PRKD3: variants seen among roughly 807,000 people sequenced by gnomAD.
PRKD3 encodes the protein serine/threonine-protein kinase D3.
A neutral mutation model predicts 99.2 loss-of-function variants in PRKD3; 47 were observed. The observed-to-expected ratio is 0.47, with a 90% confidence interval of 0.38 to 0.60. The LOEUF (loss-of-function observed/expected upper bound fraction) is 0.60. Among genes scored for constraint, PRKD3 ranks in the 20% least tolerant of loss-of-function variants. The pLI, the probability that PRKD3 is intolerant of heterozygous loss-of-function variation, is 0.00. For missense variants in PRKD3, 1,019 were observed against 1,088.4 expected, an observed-to-expected ratio of 0.94 and a Z score of 0.90; for synonymous variants, 392 against 355.4, an observed-to-expected ratio of 1.10 and a Z score of -1.16.
intron 2 of PRKD3, among the ~76,000 whole-genome samples, chr2:37,296,586 G>A (rs1670682380): frequency 6.6e-6 from 1 of 151,954 alleles, no homozygotes; most frequent in Admixed American, 6.6e-5. Context: ...GGTATGTTTG[G>A]TAGGGTATTT....
chr2:37,301,985 G>C (rs1405915835), intron 2 of PRKD3, among the ~76,000 whole-genome samples: 1 of 152,120 alleles, frequency 6.6e-6, no homozygotes, highest in African/African-American at 2.4e-5. Flanking sequence ...GCCCCCACAA[G>C]AATTATCCCA....
At chr2:37,320,759 T>C (rs891525514) in intron 1 of PRKD3, among the ~76,000 whole-genome samples, 2 of 152,182 alleles carry the variant, frequency 1.3e-5, no homozygotes, top group African/African-American at 4.8e-5. Flanking sequence ...CTTTGATGAA[T>C]GTCTTCCCAC....
At chr2:37,303,856 AATCTT>A (rs948990533) in intron 2 of PRKD3, among the ~76,000 whole-genome samples, 144 of 152,300 alleles carry the variant, frequency 9.5e-4, no homozygotes, top group African/African-American at 3.2e-3. Flanking sequence ...TAAATGCACT[AATCTT>A]AATTAGAAGC....
chr2:37,324,164 A>C, intron 1 of PRKD3: 10 of 985,162 alleles, frequency 1.0e-5, no homozygotes, highest in Non-Finnish European at 1.2e-5. Flanking sequence ...TACTGGGGCG[A>C]GGGGCTTACA....
At chr2:37,312,700 A>G (rs1033436473) in intron 2 of PRKD3, among the ~76,000 whole-genome samples, 1 of 152,226 alleles carries the variant, frequency 6.6e-6, no homozygotes, top group Non-Finnish European at 1.5e-5. Context: ...ACATTCAGGT[A>G]TAAGTAACAG....
rs1371972713 is a variant in PRKD3, at chr2:37,283,709, G to C, written c.911-1090C>G. Among the ~76,000 whole-genome samples, 4 of 152,022 alleles carry C rather than the reference G, an allele frequency of 2.6e-5. No individual in the cohort carries two copies. The South Asian group carries it at 8.3e-4, about 32-fold the overall frequency. ...CATTTTCCCTTTGAAAACTCAGGCC[G>C]GGTGCAGCGGCTCACACCTGTAATT... On this transcript the variant is annotated intron_variant, in intron 6 of 18. Transcript: ENST00000234179.
chr2:37,260,261 G>A lies in PRKD3; in HGVS notation c.2008C>T (p.Arg670Trp), dbSNP rs775221567. Residue 670 changes from arginine (R) to tryptophan (W), a missense_variant, in exon 15 of 19, where the codon CGG (arginine) becomes TGG (tryptophan). Physicochemically the swap from Arg to Trp is moderately radical, Grantham distance 101. Transcript: ENST00000234179. ...LEMILSSEKS[R>W]LPERITKFMV... ...AATTTAGTAATTCGTTCTGGAAGCC[G>A]ACTTTTCTCACTGGATAGAATCATT... 7 of 1,611,294 alleles carry A rather than the reference G, an allele frequency of 4.3e-6. No homozygotes were observed. The highest frequency in any genetic ancestry group is 5.1e-6 in the Non-Finnish European group (6 of 1,178,048).
Position 37,250,741 on chromosome 2 carries a change from TTCC to T in PRKD3, c.*2433_*2435del, listed in dbSNP as rs1667420188. ...TAGGAAATACATTTTATTATCAAGC[TTCC>T]AGTATATTTACAAAAAGTTGGATAT... On this transcript the variant is annotated 3_prime_UTR_variant, in exon 19 of 19. Transcript: ENST00000234179. 6.6e-6 allele frequency: 1 copy of T among 152,302 alleles called. No individual in the cohort carries two copies. Among genetic ancestry groups the T allele is most frequent in the Admixed American group, 6.5e-5 (1 of 15,270 alleles). The allele number at this position is 152,302 out of a possible 1,614,324, so 9.4% of individuals were successfully genotyped here. A position where few individuals can be genotyped will look rare whatever the true frequency, so the allele number is the denominator to read the frequency against.
At chr2:37,301,270 T>C (rs1160184548) in intron 2 of PRKD3, among the ~76,000 whole-genome samples, 1 of 152,174 alleles carries the variant, frequency 6.6e-6, no homozygotes, top group African/African-American at 2.4e-5. Flanking sequence ...TTTCTCAAAA[T>C]GATTTGACAG....
At position 37,250,899 on chromosome 2, in the gene PRKD3, T is replaced by C. The variant is rs1379269723; in HGVS notation, c.*2278A>G. ...AAAAAGTTATGCAGGTTATACAGTA[T>C]CTGGAATAATCATTCAACTCCAGAT... On this transcript the variant is annotated 3_prime_UTR_variant, in exon 19 of 19. Coordinates refer to ENST00000234179, the MANE Select transcript of PRKD3 (RefSeq NM_005813.6). 1 of 152,660 alleles carries C rather than the reference T, an allele frequency of 6.6e-6. No homozygotes were observed. The highest frequency in any genetic ancestry group is 1.5e-5 in the Non-Finnish European group (1 of 68,040). 9.5% of individuals were successfully genotyped at this position (152,660 alleles called of 1,614,324 possible).
intron 1 of PRKD3, among the ~76,000 whole-genome samples, chr2:37,320,009 T>C (rs1037200759): frequency 6.6e-6 from 1 of 152,218 alleles, no homozygotes; most frequent in African/African-American, 2.4e-5. Context: ...TAACAGTAAG[T>C]GCTCAGTAAG....
rs368664707 is a variant in PRKD3 at position 37,291,101 on chromosome 2, T to C, written c.428-102A>G. The C allele has an allele frequency of 7.4e-5, 86 of 1,156,982 alleles. No homozygotes were observed. The East Asian group carries it at 1.8e-3, about 25-fold the overall frequency. 71.7% of individuals were successfully genotyped at this position (1,156,982 alleles called of 1,614,324 possible). A position where few individuals can be genotyped will look rare whatever the true frequency, so the allele number is the denominator to read the frequency against. Reference sequence around the variant, plus strand: ...ATGTCAAAGTACACAGAATCATTTTTTCTCTGAAAGTTGCACTGGACCATA... The same window carrying C: ...ATGTCAAAGTACACAGAATCATTTTCTCTCTGAAAGTTGCACTGGACCATA... On this transcript the variant is annotated intron_variant, in intron 3 of 18. Coordinates refer to ENST00000234179, the MANE Select transcript of PRKD3 (RefSeq NM_005813.6).
intron 14 of PRKD3, among the ~76,000 whole-genome samples, chr2:37,264,115 T>C (rs941337159): frequency 1.3e-5 from 2 of 152,146 alleles, no homozygotes; most frequent in African/African-American, 2.4e-5. Context: ...CCCTCCCCAA[T>C]TTTTTTCCTG....
intron 1 of PRKD3, chr2:37,324,120 A>G: frequency 2.1e-6 from 2 of 955,588 alleles, no homozygotes; most frequent in African/African-American, 1.8e-5. Flanking sequence ...ACTCGGAACA[A>G]TGCTGCAACT....
At chr2:37,253,421 G>T (rs910314364) in intron 18 of PRKD3, 71 bp from the exon 19 acceptor site, 22 of 1,308,894 alleles carry the variant, frequency 1.7e-5, no homozygotes, top group Admixed American at 7.2e-5. Context: ...TTTGTTTTGT[G>T]TTTTTTTTTG....
At chr2:37,259,498 C>G (rs1426070361) in intron 16 of PRKD3, 85 bp downstream of exon 16, 1 of 987,384 alleles carries the variant, frequency 1.0e-6, no homozygotes, top group Non-Finnish European at 1.5e-6. Flanking sequence ...TTTTAACCAA[C>G]AGTACTTAGT....
intron 16 of PRKD3, 76 bp from the exon 17 acceptor site, chr2:37,257,005 G>A (rs952353415): frequency 4.6e-5 from 67 of 1,449,970 alleles, no homozygotes; most frequent in Non-Finnish European, 5.8e-5. Context: ...ATATAACACT[G>A]TATGTATCAT....
intron 1 of PRKD3, chr2:37,317,881 T>G (rs962344810): frequency 1.3e-5 from 2 of 152,020 alleles, no homozygotes; most frequent in Non-Finnish European, 2.9e-5. Context: ...GTGGTGTGGC[T>G]GTAGACCACA....
At chr2:37,319,267 A>C (rs918966678) in intron 1 of PRKD3, among the ~76,000 whole-genome samples, 1 of 152,208 alleles carries the variant, frequency 6.6e-6, no homozygotes, top group Non-Finnish European at 1.5e-5. Flanking sequence ...CAAGAATGTT[A>C]CTGGAGTGTG....
Sources: allele counts gnomAD v4.1 joint callset (sites outside exome capture counted in the v4.1 genomes callset), GRCh38; gene constraint gnomAD v4.1.1; transcripts MANE v1.5; gene names NCBI Gene and HGNC (gene_info 2026-07-23, HGNC 2026-07-21).